Variants in GUCA1C observed in about 807,000 individuals in gnomAD.
GUCA1C encodes guanylyl cyclase-activating protein 3.
A neutral mutation model predicts 16.2 loss-of-function variants in GUCA1C; 15 were observed. That is an observed-to-expected ratio of 0.93 (90% confidence interval 0.62 to 1.43). The LOEUF is 1.43. Ranked by LOEUF, GUCA1C falls within the 40% of genes most tolerant of loss-of-function variation. GUCA1C has a pLI of 0.00. For synonymous variants in GUCA1C, 78 were observed against 85.4 expected (o/e 0.91, Z 0.48); for missense variants, 275 against 244.8 (o/e 1.12, Z -0.82).
At chr3:108,924,652 A>C (rs1423670093) in intron 1 of GUCA1C, among the ~76,000 whole-genome samples, 1 of 152,042 alleles carries the variant, frequency 6.6e-6, no homozygotes, top group Non-Finnish European at 1.5e-5. Context: ...ATACTGGCTT[A>C]ATAGAAGGAT....
intron 3 of GUCA1C, among the ~76,000 whole-genome samples, chr3:108,909,016 C>T (rs1215017071): frequency 6.6e-6 from 1 of 152,082 alleles, no homozygotes; most frequent in African/African-American, 2.4e-5. Context: ...CAAAGACGGA[C>T]GGAGTGCATT....
At chr3:108,916,878 G>T (rs1946523360) in intron 2 of GUCA1C, among the ~76,000 whole-genome samples, 1 of 152,134 alleles carries the variant, frequency 6.6e-6, no homozygotes, top group African/African-American at 2.4e-5. Context: ...AATGAAAGAG[G>T]ATTATTCATT....
chr3:108,933,318 G>C (rs1023303210), intron 1 of GUCA1C, among the ~76,000 whole-genome samples: 1 of 152,114 alleles, frequency 6.6e-6, no homozygotes, highest in Non-Finnish European at 1.5e-5. Flanking sequence ...TTGGAAGCAT[G>C]CATATAAAAT....
chr3:108,924,095 G>A (rs1435064691), intron 1 of GUCA1C, among the ~76,000 whole-genome samples: 1 of 152,070 alleles, frequency 6.6e-6, no homozygotes, highest in Non-Finnish European at 1.5e-5. Flanking sequence ...TCATCAGCAA[G>A]CAGCAACAAT....
intron 1 of GUCA1C, among the ~76,000 whole-genome samples, chr3:108,940,216 A>G (rs527284838): frequency 1.3e-5 from 2 of 152,356 alleles, no homozygotes; most frequent in African/African-American, 4.8e-5. Flanking sequence ...ATGATTTACA[A>G]TGTAATATAA....
intron 1 of GUCA1C, among the ~76,000 whole-genome samples, chr3:108,945,436 C>G (rs1056832337): frequency 3.9e-5 from 6 of 152,338 alleles, no homozygotes; most frequent in African/African-American, 1.4e-4. Flanking sequence ...TTGTACTCAT[C>G]ATGGAGACTT....
In GUCA1C at chr3:108,908,104, C is replaced by A; in HGVS notation, c.548G>T (p.Cys183Phe). 2 of 1,613,806 alleles carry A rather than the reference C, an allele frequency of 1.2e-6. No individual in the cohort carries two copies. Among genetic ancestry groups the A allele is most frequent in the Admixed American group, 3.3e-5 (2 of 60,014 alleles). ...FDFSNVLRVI[C>F]NGKQPDMETD... Reference sequence around the variant, plus strand: ...CTCCATGTCTGGCTGCTTCCCATTACAGATTACTCTCAGCACATTGGAGAA... The same window carrying A: ...CTCCATGTCTGGCTGCTTCCCATTAAAGATTACTCTCAGCACATTGGAGAA... Residue 183 changes from cysteine (C) to phenylalanine (F), a missense_variant, in exon 4 of 4, where the codon TGT (cysteine) becomes TTT (phenylalanine). By Grantham distance (205) the Cys-to-Phe change is radical. Coordinates refer to ENST00000261047, the MANE Select transcript of GUCA1C (RefSeq NM_005459.4).
chr3:108,921,779 T>G (rs1434161612), intron 1 of GUCA1C, among the ~76,000 whole-genome samples: 1 of 152,180 alleles, frequency 6.6e-6, no homozygotes, highest in Non-Finnish European at 1.5e-5. Context: ...TTGTTTTCCT[T>G]TTTTCAATTT....
chr3:108,907,955 G>C lies in GUCA1C; in HGVS notation c.*67C>G. Reference sequence around the variant, plus strand: ...CCTGAAATCAACAGCATGTACATGGGGAAGATTCTATTTCTTCTCTACTGA... The same window carrying C: ...CCTGAAATCAACAGCATGTACATGGCGAAGATTCTATTTCTTCTCTACTGA... On this transcript the variant is annotated 3_prime_UTR_variant, in exon 4 of 4. Coordinates refer to ENST00000261047, the MANE Select transcript of GUCA1C (RefSeq NM_005459.4). The C allele has an allele frequency of 8.7e-7, 1 of 1,146,256 alleles. No homozygotes were observed. The highest frequency in any genetic ancestry group is 1.3e-6 in the Non-Finnish European group (1 of 790,490). The allele number at this position is 1,146,256 out of a possible 1,614,324, so 71.0% of individuals were successfully genotyped here. A position where few individuals can be genotyped will look rare whatever the true frequency, so the allele number is the denominator to read the frequency against.
chr3:108,923,741 T>A (rs905820617), intron 1 of GUCA1C, among the ~76,000 whole-genome samples: 41 of 152,174 alleles, frequency 2.7e-4, no homozygotes, highest in Non-Finnish European at 1.2e-4. Flanking sequence ...TTGCTTTTGG[T>A]ACTATGGTCA....
chr3:108,954,735 CTTTTT>C (rs35104093), upstream of GUCA1C, among the ~76,000 whole-genome samples: 2 of 129,292 alleles, frequency 1.5e-5, no homozygotes, highest in East Asian at 2.1e-4. Context: ...TATAGTTCTC[CTTTTT>C]TTTTTTTTTT....
chr3:108,936,193 T>C (rs756411924), intron 1 of GUCA1C, among the ~76,000 whole-genome samples: 46 of 152,014 alleles, frequency 3.0e-4, no homozygotes, highest in Non-Finnish European at 1.0e-4. Context: ...GCCCGGGAGT[T>C]GGAGGTTGAG....
intron 1 of GUCA1C, among the ~76,000 whole-genome samples, chr3:108,939,300 G>A (rs1342823192): frequency 9.3e-6 from 1 of 107,380 alleles, no homozygotes; most frequent in South Asian, 3.2e-4. Context: ...TTATATAACT[G>A]TTAATATATT....
chr3:108,926,002 G>A (rs984956508), intron 1 of GUCA1C, among the ~76,000 whole-genome samples: 42 of 152,102 alleles, frequency 2.8e-4, no homozygotes, highest in South Asian at 2.1e-3. Flanking sequence ...CAGGAGAATC[G>A]TTTGAACCCA....
chr3:108,934,034 G>C (rs964500870), intron 1 of GUCA1C, among the ~76,000 whole-genome samples: 1 of 152,132 alleles, frequency 6.6e-6, no homozygotes, highest in African/African-American at 2.4e-5. Flanking sequence ...GCAGGGACAT[G>C]GATGAATCTG....
chr3:108,928,697 T>G (rs1946643176), intron 1 of GUCA1C, among the ~76,000 whole-genome samples: 1 of 152,232 alleles, frequency 6.6e-6, no homozygotes, highest in Non-Finnish European at 1.5e-5. Flanking sequence ...GAAAAGACTG[T>G]CTTTTCTCCA....
At chr3:108,941,041 G>A (rs1362190683) in intron 1 of GUCA1C, among the ~76,000 whole-genome samples, 1 of 150,272 alleles carries the variant, frequency 6.7e-6, no homozygotes, top group African/African-American at 2.4e-5. Flanking sequence ...ATATCATAAA[G>A]AGATTCCCTA....
intron 3 of GUCA1C, among the ~76,000 whole-genome samples, chr3:108,910,330 C>G (rs893406525): frequency 3.9e-5 from 6 of 152,000 alleles, no homozygotes; most frequent in Non-Finnish European, 5.9e-5. Flanking sequence ...AACCCCATCT[C>G]TATTAAAAAT....
chr3:108,944,814 G>GA (rs1172007624), intron 1 of GUCA1C, among the ~76,000 whole-genome samples: 1 of 152,174 alleles, frequency 6.6e-6, no homozygotes, highest in Non-Finnish European at 1.5e-5. Context: ...CCGTTCTAGG[G>GA]AAATGTGGGA....
Sources: allele counts gnomAD v4.1 joint callset (sites outside exome capture counted in the v4.1 genomes callset), GRCh38; gene constraint gnomAD v4.1.1; transcripts MANE v1.5; gene names NCBI Gene and HGNC (gene_info 2026-07-23, HGNC 2026-07-21).